The following CFAP91 variants were observed in gnomAD, a reference collection of about 807,000 sequenced individuals.
CFAP91 encodes cilia- and flagella-associated protein 91.
CFAP91 carries 85 observed loss-of-function variants against 95.9 expected under a neutral mutation model. The observed-to-expected ratio is 0.89, with a 90% CI of 0.74 to 1.06. CFAP91 has a LOEUF of 1.06. Ranked by LOEUF, CFAP91 falls within the 50% of genes least tolerant of loss-of-function variation. The pLI is 0.00. For synonymous variants in CFAP91, 335 were observed against 327.5 expected (o/e 1.02, Z -0.25); for missense variants, 962 against 943.4 (o/e 1.02, Z -0.26).
At chr3:119,716,674 C>T (rs1340470092) in intron 6 of CFAP91, among the ~76,000 whole-genome samples, 1 of 152,198 alleles carries the variant, frequency 6.6e-6, no homozygotes, top group East Asian at 1.9e-4. Flanking sequence ...GCAACCTCCG[C>T]CTCCTGGGTT....
intron 17 of CFAP91, among the ~76,000 whole-genome samples, chr3:119,759,689 G>T (rs541084802): frequency 5.1e-4 from 77 of 152,022 alleles, no homozygotes; most frequent in African/African-American, 1.7e-3. Flanking sequence ...AATTTGTTAA[G>T]GGATACACAG....
In CFAP91 at chr3:119,733,519, T is replaced by A; in HGVS notation, c.1344+13T>A. 1 of 1,601,878 alleles carries A rather than the reference T, an allele frequency of 6.2e-7. No homozygotes were observed. The highest frequency in any genetic ancestry group is 1.1e-5 in the South Asian group (1 of 87,996). On this transcript the variant is annotated intron_variant, in intron 10 of 17. Coordinates refer to ENST00000273390, the MANE Select transcript of CFAP91 (RefSeq NM_033364.4). ...AGAGGTTCATAAGGTATAATCATTATCTGGAGGACAAAATGCTTCTAGTAT... is the reference window on the plus strand; with the variant it reads ...AGAGGTTCATAAGGTATAATCATTAACTGGAGGACAAAATGCTTCTAGTAT...
At chr3:119,725,361 G>T (rs1258923463) in intron 6 of CFAP91, among the ~76,000 whole-genome samples, 1 of 152,210 alleles carries the variant, frequency 6.6e-6, no homozygotes, top group Non-Finnish European at 1.5e-5. Context: ...GCTTAAAGTT[G>T]CAGGTAAGAG....
intron 17 of CFAP91, among the ~76,000 whole-genome samples, chr3:119,754,264 C>G (rs2054381474): frequency 6.6e-6 from 1 of 152,174 alleles, no homozygotes; most frequent in Non-Finnish European, 1.5e-5. Context: ...GAAGAACTTG[C>G]AAGCAATGAA....
intron 17 of CFAP91, among the ~76,000 whole-genome samples, chr3:119,755,025 A>G (rs1325930767): frequency 6.6e-6 from 1 of 152,204 alleles, no homozygotes; most frequent in Non-Finnish European, 1.5e-5. Flanking sequence ...TTGGAAGGAA[A>G]TATGTCTCCT....
At chr3:119,746,863 C>G (rs762455035) in intron 14 of CFAP91, among the ~76,000 whole-genome samples, 1 of 152,212 alleles carries the variant, frequency 6.6e-6, no homozygotes, top group Non-Finnish European at 1.5e-5. Context: ...GCAGTGCTGT[C>G]TTGCCTGCCT....
chr3:119,721,647 T>C (rs908304910), intron 6 of CFAP91, among the ~76,000 whole-genome samples: 2 of 152,276 alleles, frequency 1.3e-5, no homozygotes, highest in Admixed American at 1.3e-4. Context: ...TGGGGGAGTT[T>C]CATACAAATA....
intron 4 of CFAP91, 97 bp downstream of exon 4, chr3:119,708,771 G>T: frequency 1.4e-6 from 1 of 715,174 alleles, no homozygotes; most frequent in East Asian, 2.7e-5. Flanking sequence ...TGCATACAAC[G>T]TGCCAGACTC....
chr3:119,752,677 C>T lies in CFAP91; in HGVS notation c.*1+1579C>T, dbSNP rs1176915191. On this transcript the variant is annotated intron_variant, in intron 17 of 17. Coordinates refer to ENST00000273390, the MANE Select transcript of CFAP91 (RefSeq NM_033364.4). ...ACACAATTTGCATTGAATGCATCTG[C>T]CTTTACTTCTGATTATGGTACCTAC... is the stretch of plus-strand genomic sequence containing the variant. 2.0e-5 allele frequency among the ~76,000 whole-genome samples: 3 copies of T among 152,080 alleles called. No homozygotes were observed. In the South Asian group the frequency reaches 6.2e-4, roughly 32 times the overall value.
chr3:119,709,989 T>A, intron 5 of CFAP91, 94 bp downstream of exon 5: 1 of 976,416 alleles, frequency 1.0e-6, no homozygotes, highest in Non-Finnish European at 1.6e-6. Flanking sequence ...TCACTATTTT[T>A]CAAATTGTGG....
At chr3:119,736,048 G>T (rs2053995046) in intron 10 of CFAP91, among the ~76,000 whole-genome samples, 1 of 150,802 alleles carries the variant, frequency 6.6e-6, no homozygotes, top group Non-Finnish European at 1.5e-5. Flanking sequence ...CTTTATTTTG[G>T]GGAGCGGGGG....
At chr3:119,761,523 G>T (rs1487272612) in intron 17 of CFAP91, among the ~76,000 whole-genome samples, 1 of 151,704 alleles carries the variant, frequency 6.6e-6, no homozygotes, top group African/African-American at 2.4e-5. Flanking sequence ...TTCAAAACTA[G>T]ACAAGGATAC....
At chr3:119,712,802 A>G (rs1191588291) in intron 5 of CFAP91, among the ~76,000 whole-genome samples, 1 of 152,046 alleles carries the variant, frequency 6.6e-6, no homozygotes, top group Non-Finnish European at 1.5e-5. Context: ...TAAAAATACA[A>G]AAATTAGCTG....
chr3:119,757,305 C>A (rs1156482720), intron 17 of CFAP91, among the ~76,000 whole-genome samples: 1 of 152,078 alleles, frequency 6.6e-6, no homozygotes, highest in African/African-American at 2.4e-5. Flanking sequence ...AAATTTTAAT[C>A]TTTATCAGGA....
At chr3:119,747,422 G>A (rs530894688) in intron 15 of CFAP91, 159 bp downstream of exon 15, 1 of 279,486 alleles carries the variant, frequency 3.6e-6, no homozygotes, top group Non-Finnish European at 5.4e-6. Flanking sequence ...AAGCCAATAT[G>A]TGTATGCCTC....
intron 17 of CFAP91, among the ~76,000 whole-genome samples, chr3:119,751,700 A>G (rs888314551): frequency 1.3e-5 from 2 of 152,240 alleles, no homozygotes; most frequent in Admixed American, 6.5e-5. Flanking sequence ...TGCAGAACAC[A>G]TAGCTGTTTT....
At chr3:119,758,784 AATCTCATTT>A (rs1274972458) in intron 17 of CFAP91, among the ~76,000 whole-genome samples, 2 of 152,100 alleles carry the variant, frequency 1.3e-5, no homozygotes, top group African/African-American at 4.8e-5. Flanking sequence ...GATAGGGAAA[AATCTCATTT>A]TCAAAGATGA....
At chr3:119,708,535 G>T (rs2053416444) in intron 3 of CFAP91, 56 bp from the exon 4 acceptor site, 2 of 1,187,354 alleles carry the variant, frequency 1.7e-6, no homozygotes, top group Admixed American at 3.7e-5. Flanking sequence ...ATATTAAATA[G>T]AAATTATATG....
At chr3:119,714,806 G>A (rs2053543977) in intron 5 of CFAP91, among the ~76,000 whole-genome samples, 1 of 152,130 alleles carries the variant, frequency 6.6e-6, no homozygotes, top group Non-Finnish European at 1.5e-5. Flanking sequence ...AGGCATAGAA[G>A]TTGAAACTTA....
Sources: gnomAD v4.1 joint callset for allele counts (sites outside exome capture counted in the v4.1 genomes callset) on GRCh38, gnomAD v4.1.1 for gene constraint, MANE v1.5 for transcripts, NCBI Gene and HGNC (gene_info 2026-07-23, HGNC 2026-07-21) for gene names.